Variants in TRAF3 observed in about 807,000 individuals in gnomAD.
The protein encoded by TRAF3 is TNF receptor-associated factor 3.
TRAF3 carries 13 observed loss-of-function variants against 62.3 expected under a neutral mutation model. The observed-to-expected ratio is 0.21, with a 90% CI of 0.14 to 0.33. TRAF3 has a LOEUF of 0.33. Among genes scored for constraint, TRAF3 ranks in the 10% least tolerant of loss-of-function variants. The pLI is 1.00. For missense variants in TRAF3, 440 were observed against 741.8 expected, an observed-to-expected ratio of 0.59 and a Z score of 4.73; for synonymous variants, 269 against 283.4, an observed-to-expected ratio of 0.95 and a Z score of 0.51.
intron 1 of TRAF3, among the ~76,000 whole-genome samples, chr14:102,827,995 C>T (rs1900424602): frequency 1.3e-5 from 2 of 152,268 alleles, no homozygotes; most frequent in Admixed American, 1.3e-4. Flanking sequence ...CAGATTCCCG[C>T]AGGGCGTACC....
At chr14:102,874,137 C>T (rs908805853) in intron 4 of TRAF3, among the ~76,000 whole-genome samples, 4 of 152,130 alleles carry the variant, frequency 2.6e-5, no homozygotes, top group Non-Finnish European at 5.9e-5. Context: ...TGGAGGCATG[C>T]GCCTGTAGTT....
intron 1 of TRAF3, among the ~76,000 whole-genome samples, chr14:102,802,386 C>T (rs1408721399): frequency 6.7e-6 from 1 of 149,856 alleles, no homozygotes; most frequent in East Asian, 2.1e-4. Context: ...AATCTCCTGA[C>T]CTCGTGATCT....
rs80008851 is a variant in TRAF3 at position 102,829,250 on chromosome 14, G to A, written c.-156-1084G>A. Among the ~76,000 whole-genome samples, 827 of 152,320 alleles carry A rather than the reference G, an allele frequency of 5.4e-3. 7 individuals carry two copies. Among genetic ancestry groups the A allele is most frequent in the Middle Eastern group, 0.024 (7 of 294 alleles). ...TGCATTCTGAAAAGCTTGTGAATGG[G>A]TTCTGAACCTTCTGGCATTGGAAGT... On this transcript the variant is annotated intron_variant, in intron 1 of 11. Coordinates refer to ENST00000392745, the MANE Select transcript of TRAF3 (RefSeq NM_145725.3).
intron 1 of TRAF3, among the ~76,000 whole-genome samples, chr14:102,785,626 A>G (rs575452960): frequency 1.3e-5 from 2 of 152,348 alleles, no homozygotes; most frequent in African/African-American, 4.8e-5. Context: ...CTGTGGAAAT[A>G]TGAGTTAAAG....
intron 1 of TRAF3, among the ~76,000 whole-genome samples, chr14:102,827,695 C>T (rs1275741541): frequency 5.9e-5 from 9 of 152,208 alleles, no homozygotes; most frequent in Non-Finnish European, 1.0e-4. Context: ...GCTCACTAAA[C>T]TTAGTATTGC....
chr14:102,821,261 C>T (rs900510452), intron 1 of TRAF3, among the ~76,000 whole-genome samples: 2 of 152,110 alleles, frequency 1.3e-5, no homozygotes, highest in African/African-American at 4.8e-5. Flanking sequence ...TTTAATGAGC[C>T]GTGACACTTT....
chr14:102,909,275 G>C lies in TRAF3; in HGVS notation c.*3491G>C, dbSNP rs922886916. ...GCATGAATGTGGTTCTGTCTCCTGA[G>C]CGCAAGCCTCGCCGGACCCCTGGGC... On this transcript the variant is annotated 3_prime_UTR_variant, in exon 12 of 12. Transcript: ENST00000392745. 2 of 152,284 alleles carry C rather than the reference G, an allele frequency of 1.3e-5. No individual in the cohort carries two copies. Among genetic ancestry groups the C allele is most frequent in the Admixed American group, 1.3e-4 (2 of 15,292 alleles). 9.4% of individuals were successfully genotyped at this position (152,284 alleles called of 1,614,324 possible).
At chr14:102,870,157 A>T (rs771537553) in intron 2 of TRAF3, 28 bp from the exon 3 acceptor site, 1 of 1,613,922 alleles carries the variant, frequency 6.2e-7, no homozygotes, top group Non-Finnish European at 8.5e-7. Context: ...AGAGGATATG[A>T]TGGCACTCTA....
At chr14:102,792,112 AC>A (rs1416265162) in intron 1 of TRAF3, among the ~76,000 whole-genome samples, 2 of 43,536 alleles carry the variant, frequency 4.6e-5, no homozygotes, top group African/African-American at 1.8e-4. Context: ...CTGTGCCTGG[AC>A]TTTTTTTTTT....
intron 2 of TRAF3, among the ~76,000 whole-genome samples, chr14:102,834,367 C>T (rs753388786): frequency 5.9e-5 from 9 of 152,162 alleles, no homozygotes; most frequent in Non-Finnish European, 1.3e-4. Context: ...ATCAGCGGTG[C>T]TGGGACGACT....
chr14:102,891,446 G>C (rs781356798), intron 9 of TRAF3, 29 bp downstream of exon 9: 1 of 1,591,568 alleles, frequency 6.3e-7, no homozygotes, highest in Non-Finnish European at 8.6e-7. Flanking sequence ...TGCTGCTATG[G>C]GATTTGTATC....
chr14:102,848,450 T>C (rs902754040), intron 2 of TRAF3, among the ~76,000 whole-genome samples: 2 of 152,124 alleles, frequency 1.3e-5, no homozygotes, highest in Admixed American at 1.3e-4. Flanking sequence ...TAATAATCTT[T>C]CATATGTTAG....
chr14:102,816,181 C>T (rs904235197), intron 1 of TRAF3, among the ~76,000 whole-genome samples: 3 of 151,890 alleles, frequency 2.0e-5, no homozygotes, highest in Non-Finnish European at 4.4e-5. Context: ...CAGTTCTCTT[C>T]AACCTCCGCC....
intron 1 of TRAF3, among the ~76,000 whole-genome samples, chr14:102,819,882 A>C (rs544953568): frequency 6.6e-6 from 1 of 152,268 alleles, no homozygotes; most frequent in Non-Finnish European, 1.5e-5. Flanking sequence ...CAAGTGAGTT[A>C]TGAACATGCT....
intron 2 of TRAF3, among the ~76,000 whole-genome samples, chr14:102,840,011 G>A (rs1886282318): frequency 6.6e-6 from 1 of 152,144 alleles, no homozygotes; most frequent in Non-Finnish European, 1.5e-5. Context: ...TAGTAAGAAA[G>A]TTATTCCCGG....
At chr14:102,793,728 CTA>C (rs1404354165) in intron 1 of TRAF3, among the ~76,000 whole-genome samples, 1 of 152,214 alleles carries the variant, frequency 6.6e-6, no homozygotes, top group African/African-American at 2.4e-5. Flanking sequence ...GAAGGGAACT[CTA>C]TTCCTGATGC....
chr14:102,869,406 C>T (rs1888197052), intron 2 of TRAF3, among the ~76,000 whole-genome samples: 1 of 152,214 alleles, frequency 6.6e-6, no homozygotes, highest in African/African-American at 2.4e-5. Context: ...CTGAGAACAG[C>T]TGTTGTTTCA....
chr14:102,880,432 G>A (rs906598180), intron 6 of TRAF3, among the ~76,000 whole-genome samples: 1 of 152,218 alleles, frequency 6.6e-6, no homozygotes, highest in African/African-American at 2.4e-5. Flanking sequence ...CAGTCAGAAT[G>A]GCGATTATTA....
chr14:102,899,291 G>T (rs574440487), intron 10 of TRAF3, among the ~76,000 whole-genome samples: 139 of 152,310 alleles, frequency 9.1e-4, no homozygotes, highest in Non-Finnish European at 1.7e-3. Context: ...CTGATGCCCA[G>T]AGGTGCTGGC....
Sources: allele counts gnomAD v4.1 joint callset (sites outside exome capture counted in the v4.1 genomes callset), GRCh38; gene constraint gnomAD v4.1.1; transcripts MANE v1.5; gene names NCBI Gene and HGNC (gene_info 2026-07-23, HGNC 2026-07-21).